Variants in ARHGAP24 observed in about 807,000 individuals in gnomAD.
The protein encoded by ARHGAP24 is rho GTPase-activating protein 24.
Under a neutral mutation model 76.4 loss-of-function variants are expected in ARHGAP24, and 50 were observed. That is an observed-to-expected ratio of 0.65 (90% CI 0.52 to 0.83). The LOEUF (loss-of-function observed/expected upper bound fraction) is 0.83, where lower values mean the gene tolerates loss of function less well. ARHGAP24 is among the 40% of genes least tolerant of loss of function. The pLI is 0.00. For synonymous variants in ARHGAP24, 345 were observed against 323.3 expected (o/e 1.07, Z -0.72); for missense variants, 930 against 914.2 (o/e 1.02, Z -0.22).
At chr4:85,950,280 G>A (rs1035904521) in intron 5 of ARHGAP24, among the ~76,000 whole-genome samples, 1 of 151,998 alleles carries the variant, frequency 6.6e-6, no homozygotes, top group Non-Finnish European at 1.5e-5. Flanking sequence ...ATCCCTTAAG[G>A]GTAAGAGTTC....
At chr4:85,664,971 GA>G (rs575683608) in intron 2 of ARHGAP24, among the ~76,000 whole-genome samples, 2 of 151,918 alleles carry the variant, frequency 1.3e-5, no homozygotes, top group South Asian at 2.1e-4. Flanking sequence ...GTATGGTGCT[GA>G]AAAAAAACAT....
chr4:85,643,234 G>GTTT lies in ARHGAP24; in HGVS notation c.180+72546_180+72548dup, dbSNP rs70948741. 2.4e-4 allele frequency among the ~76,000 whole-genome samples: 13 copies of GTTT among 54,626 alleles called. 1 individual carries two copies. Among genetic ancestry groups the GTTT allele is most frequent in the African/African-American group, 3.0e-4 (5 of 16,940 alleles). 35.8% of individuals were successfully genotyped at this position (54,626 alleles called of 152,430 possible). A position where few individuals can be genotyped will look rare whatever the true frequency, so the allele number is the denominator to read the frequency against. On this transcript the variant is annotated intron_variant, in intron 2 of 9. Coordinates refer to ENST00000395184, the MANE Select transcript of ARHGAP24 (RefSeq NM_001025616.3). ...TCTTTTTTATTTTCCGTTTTTTTGT[G>GTTT]TTTTTTTTTTTTTTTTTTTTTTTTT...
At chr4:85,525,925 A>G (rs1334375940) in intron 1 of ARHGAP24, among the ~76,000 whole-genome samples, 1 of 152,178 alleles carries the variant, frequency 6.6e-6, no homozygotes, top group Non-Finnish European at 1.5e-5. Flanking sequence ...TGTCAGAAAC[A>G]TAGAATTAGA....
At chr4:85,745,649 G>T (rs1343402640) in intron 3 of ARHGAP24, among the ~76,000 whole-genome samples, 1 of 150,848 alleles carries the variant, frequency 6.6e-6, no homozygotes, top group Non-Finnish European at 1.5e-5. Context: ...GTACCTACTT[G>T]CATACTACAC....
chr4:85,961,879 T>C (rs1442322552), intron 5 of ARHGAP24, among the ~76,000 whole-genome samples: 1 of 152,080 alleles, frequency 6.6e-6, no homozygotes, highest in East Asian at 1.9e-4. Context: ...GGTTACATAA[T>C]CTAAAGTCTC....
intron 3 of ARHGAP24, among the ~76,000 whole-genome samples, chr4:85,866,928 T>C (rs774087833): frequency 1.1e-4 from 17 of 152,138 alleles, no homozygotes; most frequent in Non-Finnish European, 2.2e-4. Flanking sequence ...TGCCTGCCCA[T>C]GCTTTTGTGG....
At chr4:85,834,106 A>G (rs1730140514) in intron 3 of ARHGAP24, among the ~76,000 whole-genome samples, 1 of 152,202 alleles carries the variant, frequency 6.6e-6, no homozygotes. Context: ...TATTTTAGCA[A>G]ATAGGACTAT....
intron 2 of ARHGAP24, among the ~76,000 whole-genome samples, chr4:85,712,011 C>T (rs1724547337): frequency 6.6e-6 from 1 of 152,088 alleles, no homozygotes; most frequent in Non-Finnish European, 1.5e-5. Context: ...ACTTCAAAAC[C>T]CTCCCTATTC....
At chr4:85,666,882 G>T (rs529556139) in intron 2 of ARHGAP24, among the ~76,000 whole-genome samples, 2 of 152,154 alleles carry the variant, frequency 1.3e-5, no homozygotes, top group African/African-American at 4.8e-5. Flanking sequence ...GTACCCAGCC[G>T]TGTGAGATGT....
intron 1 of ARHGAP24, among the ~76,000 whole-genome samples, chr4:85,482,819 C>T (rs936463365): frequency 6.6e-6 from 1 of 152,086 alleles, no homozygotes; most frequent in Non-Finnish European, 1.5e-5. Flanking sequence ...GATGGAAAAA[C>T]CAAAACCTAG....
At position 85,732,250 on chromosome 4, in the gene ARHGAP24, G is replaced by T. The variant is rs543989439; in HGVS notation, c.268+10278G>T. Among the ~76,000 whole-genome samples the T allele has an allele frequency of 8.5e-5, 13 of 152,118 alleles. No individual in the cohort carries two copies. In the South Asian group the frequency reaches 2.7e-3, roughly 32 times the overall value. Reference sequence around the variant, plus strand: ...AAAGAGTGTGTTTGGGTGACTTGATGGCCAGTGGAGAGAAAAACCAATAGG... The same window carrying T: ...AAAGAGTGTGTTTGGGTGACTTGATTGCCAGTGGAGAGAAAAACCAATAGG... On this transcript the variant is annotated intron_variant, in intron 3 of 9. Transcript: ENST00000395184.
chr4:85,623,515 C>A (rs1720803144), intron 2 of ARHGAP24, among the ~76,000 whole-genome samples: 1 of 152,254 alleles, frequency 6.6e-6, no homozygotes, highest in East Asian at 1.9e-4. Flanking sequence ...AGTTTGAAGT[C>A]AGGTAGGGTG....
chr4:85,970,942 A>G (rs574798954), intron 5 of ARHGAP24, among the ~76,000 whole-genome samples: 1 of 152,366 alleles, frequency 6.6e-6, no homozygotes, highest in East Asian at 1.9e-4. Context: ...AACAGGAAAT[A>G]TAAGATACAG....
chr4:85,875,498 A>G (rs1265913526), intron 3 of ARHGAP24, among the ~76,000 whole-genome samples: 2 of 92,250 alleles, frequency 2.2e-5, no homozygotes, highest in African/African-American at 4.5e-5. Context: ...TATATTATAT[A>G]TAATATATAT....
rs142372627 is a variant in ARHGAP24 at position 85,623,479 on chromosome 4, T to G, written c.180+52758T>G. ...ATATCTCTGTTTTGGTACTATGCTG[T>G]TTTGGTTACTATAGCCTTGTAGTAT... On this transcript the variant is annotated intron_variant, in intron 2 of 9. Transcript: ENST00000395184. Among the ~76,000 whole-genome samples, 4 of 151,778 alleles carry G rather than the reference T, an allele frequency of 2.6e-5. 1 individual carries two copies. Among genetic ancestry groups the G allele is most frequent in the African/African-American group, 9.6e-5 (4 of 41,462 alleles).
intron 1 of ARHGAP24, among the ~76,000 whole-genome samples, chr4:85,518,527 T>TC (rs1157144929): frequency 1.3e-5 from 2 of 151,972 alleles, no homozygotes; most frequent in African/African-American, 2.4e-5. Context: ...CTCCCATTCT[T>TC]CCCCCCAAGT....
chr4:85,809,028 G>A (rs969214436), intron 3 of ARHGAP24, among the ~76,000 whole-genome samples: 1 of 152,106 alleles, frequency 6.6e-6, no homozygotes, highest in Admixed American at 6.6e-5. Flanking sequence ...GTAAGTACCT[G>A]TCATAAGCAT....
At chr4:85,626,905 G>A (rs1222594686) in intron 2 of ARHGAP24, among the ~76,000 whole-genome samples, 2 of 152,068 alleles carry the variant, frequency 1.3e-5, no homozygotes, top group East Asian at 1.9e-4. Flanking sequence ...TGTAGCTCTC[G>A]TGCCTTGGTT....
chr4:85,900,722 G>A (rs555102862), intron 3 of ARHGAP24, among the ~76,000 whole-genome samples: 5 of 152,084 alleles, frequency 3.3e-5, no homozygotes, highest in Non-Finnish European at 7.4e-5. Context: ...CACTGCGCCC[G>A]GCTGGGAAGA....
Sources: allele counts gnomAD v4.1 joint callset (sites outside exome capture counted in the v4.1 genomes callset), GRCh38; gene constraint gnomAD v4.1.1; transcripts MANE v1.5; gene names NCBI Gene and HGNC (gene_info 2026-07-23, HGNC 2026-07-21).